INTS6L: variants seen among roughly 807,000 people sequenced by gnomAD.
INTS6L encodes the protein integrator complex subunit 6 like.
A neutral mutation model predicts 64.7 loss-of-function variants in INTS6L; 18 were observed. The observed-to-expected ratio is 0.28, with a 90% CI of 0.19 to 0.41. The LOEUF (loss-of-function observed/expected upper bound fraction) is 0.41. Ranked by LOEUF, INTS6L falls within the 10% of genes least tolerant of loss-of-function variation. INTS6L has a pLI of 1.00. For synonymous variants in INTS6L, 227 were observed against 235.9 expected, an observed-to-expected ratio of 0.96 and a Z score of 0.34; for missense variants, 533 against 661.0, an observed-to-expected ratio of 0.81 and a Z score of 2.12.
At chrX:135,521,156 G>A (rs1212533239) in intron 1 of INTS6L, 53 bp downstream of exon 1, 2 of 1,172,473 alleles carry the variant, frequency 1.7e-6, no homozygotes, top group East Asian at 6.0e-5. Context: ...ATTTCAGGGT[G>A]TGGATTGAGG....
chrX:135,554,639 CG>C (rs2148633117), intron 8 of INTS6L, among the ~76,000 whole-genome samples: 1 of 110,227 alleles, frequency 9.1e-6, no homozygotes, highest in South Asian at 3.8e-4. Flanking sequence ...ATGATTCTGC[CG>C]AAGGACTTTG....
intron 2 of INTS6L, among the ~76,000 whole-genome samples, chrX:135,533,512 A>G (rs1310178543): frequency 9.0e-6 from 1 of 111,410 alleles, no homozygotes; most frequent in East Asian, 2.8e-4. Context: ...TGTTAAGCCC[A>G]GCATCCATTA....
chrX:135,580,961 G>A, intron 16 of INTS6L, 89 bp from the exon 17 acceptor site: 2 of 652,787 alleles, frequency 3.1e-6, no homozygotes, highest in Non-Finnish European at 4.4e-6. Context: ...TTCCACTCAC[G>A]AAGAACAATT....
At chrX:135,564,487 G>A (rs782306084) in intron 9 of INTS6L, among the ~76,000 whole-genome samples, 33 of 110,727 alleles carry the variant, frequency 3.0e-4, no homozygotes, top group African/African-American at 1.1e-3. Context: ...AGCACTTTGG[G>A]AGGCCAAGGC....
At chrX:135,580,184 A>G in intron 16 of INTS6L, 22 bp downstream of exon 16, 2 of 1,159,914 alleles carry the variant, frequency 1.7e-6, no homozygotes, top group Non-Finnish European at 2.3e-6. Flanking sequence ...AAGAACATCT[A>G]TCAATAATGC....
At chrX:135,533,093 AC>A (rs1556506275) in intron 2 of INTS6L, among the ~76,000 whole-genome samples, 6 of 107,709 alleles carry the variant, frequency 5.6e-5, no homozygotes, top group African/African-American at 2.1e-4. Context: ...AAAAACAAAA[AC>A]AAAAACAAAA....
chrX:135,565,565 C>G (rs1381280301), intron 9 of INTS6L, among the ~76,000 whole-genome samples: 1 of 111,574 alleles, frequency 9.0e-6, no homozygotes, highest in East Asian at 2.8e-4. Context: ...ACCAGTAAGA[C>G]ATGTGTGGCA....
rs1603025211 is a variant in INTS6L, at chrX:135,582,021, C to G, written c.*385C>G. ...GCACAACTTGGTGCTCTTACTGTGTCCTTCAGAAAGAATAGGTGTACAGAA... is the reference window on the plus strand; with the variant it reads ...GCACAACTTGGTGCTCTTACTGTGTGCTTCAGAAAGAATAGGTGTACAGAA... On this transcript the variant is annotated 3_prime_UTR_variant, in exon 18 of 18. Coordinates refer to ENST00000639893, the MANE Select transcript of INTS6L (RefSeq NM_001351601.3). 2.5e-5 allele frequency: 4 copies of G among 158,368 alleles called. No homozygotes were observed. The highest frequency in any genetic ancestry group is 1.2e-5 in the Non-Finnish European group (1 of 85,185). 13.1% of individuals were successfully genotyped at this position (158,368 alleles called of 1,213,427 possible).
At chrX:135,578,881 A>G (rs1377894049) in intron 15 of INTS6L, among the ~76,000 whole-genome samples, 2 of 111,381 alleles carry the variant, frequency 1.8e-5, no homozygotes, top group Non-Finnish European at 3.8e-5. Flanking sequence ...TGTATATCAC[A>G]TCATGCCATG....
At chrX:135,573,312 A>G (rs1487595226) in intron 12 of INTS6L, among the ~76,000 whole-genome samples, 2 of 112,466 alleles carry the variant, frequency 1.8e-5, no homozygotes, top group African/African-American at 6.5e-5. Flanking sequence ...GAGAGGAAGG[A>G]GGAATGAAGG....
Position 135,521,219 on chromosome X carries a change from T to A in INTS6L, c.112-22T>A, listed in dbSNP as rs782080465. The A allele has an allele frequency of 6.6e-6, 8 of 1,203,313 alleles. No homozygotes were observed. The South Asian group carries it at 1.3e-4, about 19-fold the overall frequency. ...CCCCCTCCTTTCCTACGCGACCCCC[T>A]CCGTCATCCCTTGCCCCGCAGCTGC... On this transcript the variant is annotated intron_variant, in intron 1 of 17. Transcript: ENST00000639893.
intron 9 of INTS6L, among the ~76,000 whole-genome samples, chrX:135,568,627 G>A (rs1402386861): frequency 9.0e-6 from 1 of 111,060 alleles, no homozygotes; most frequent in East Asian, 2.8e-4. Context: ...ACAGCTCACT[G>A]CAGCCTCAAC....
At chrX:135,531,465 T>C (rs782445362) in intron 2 of INTS6L, among the ~76,000 whole-genome samples, 4 of 112,369 alleles carry the variant, frequency 3.6e-5, no homozygotes, top group Admixed American at 9.4e-5. Context: ...CTTCTGTCAT[T>C]ATTCAGCTTT....
chrX:135,545,432 A>G lies in INTS6L; in HGVS notation c.199A>G (p.Lys67Glu). 1 of 1,208,759 alleles carries G rather than the reference A, an allele frequency of 8.3e-7. No individual in the cohort carries two copies. The highest frequency in any genetic ancestry group is 1.8e-5 in the South Asian group (1 of 55,838). Reference sequence around the variant, plus strand: ...AATGTTTGGTTTGCAGGCTGGTTGGAAGGAAAATCATGCAACATTCATGAG... The same window carrying G: ...AATGTTTGGTTTGCAGGCTGGTTGGGAGGAAAATCATGCAACATTCATGAG... The part of the protein sequence containing the change: ...EPPYCIKAGW[K>E]ENHATFMSEL... The change falls in exon 3 of 18, where the codon AAG becomes GAG. Residue 67 changes from lysine (K) to glutamate (E), a missense_variant. Coordinates refer to ENST00000639893, the MANE Select transcript of INTS6L (RefSeq NM_001351601.3).
At position 135,520,971 on chromosome X, in the gene INTS6L, G is replaced by A. The variant is rs569527644; in HGVS notation, c.-22G>A. ...CAAGAGGGCCGGGAGAGTGGGGAGC[G>A]GAGGCAGGAGTGCGGGGGAAGATGC... On this transcript the variant is annotated 5_prime_UTR_variant, in exon 1 of 18. Coordinates refer to ENST00000639893, the MANE Select transcript of INTS6L (RefSeq NM_001351601.3). 1.7e-6 allele frequency: 2 copies of A among 1,199,990 alleles called. No homozygotes were observed. Among genetic ancestry groups the A allele is most frequent in the Non-Finnish European group, 1.1e-6 (1 of 886,602 alleles).
chrX:135,549,534 G>T, intron 6 of INTS6L, 108 bp from the exon 7 acceptor site: 1 of 862,415 alleles, frequency 1.2e-6, no homozygotes, highest in African/African-American at 2.0e-5. Flanking sequence ...ATGAATCATT[G>T]TTCTTGTTTT....
intron 12 of INTS6L, among the ~76,000 whole-genome samples, chrX:135,573,659 C>T (rs782628892): frequency 9.6e-4 from 108 of 112,557 alleles, no homozygotes; most frequent in African/African-American, 3.3e-3. Context: ...ATCTAGAGTA[C>T]GAGCAGTGGT....
At chrX:135,566,719 G>A (rs1556524979) in intron 9 of INTS6L, among the ~76,000 whole-genome samples, 2 of 111,862 alleles carry the variant, frequency 1.8e-5, no homozygotes, top group Non-Finnish European at 3.8e-5. Flanking sequence ...AGTTAGCAAA[G>A]GACTCTCTCC....
intron 14 of INTS6L, among the ~76,000 whole-genome samples, chrX:135,576,596 T>C (rs1485764522): frequency 3.6e-5 from 4 of 111,506 alleles, no homozygotes; most frequent in Non-Finnish European, 7.5e-5. Flanking sequence ...TCTCATCTTT[T>C]ATCTATCCCC....
Sources: gnomAD v4.1 joint callset for allele counts (sites outside exome capture counted in the v4.1 genomes callset) on GRCh38, gnomAD v4.1.1 for gene constraint, MANE v1.5 for transcripts, NCBI Gene and HGNC (gene_info 2026-07-23, HGNC 2026-07-21) for gene names.